Variants in SYNPO2 observed in about 807,000 individuals in gnomAD.
SYNPO2 encodes synaptopodin-2.
In SYNPO2, 56 loss-of-function variants were observed where a neutral mutation model predicts 85.0. The ratio of observed to expected loss-of-function variants is 0.66; its 90% CI spans 0.53 to 0.82. The LOEUF is 0.82. Ranked by LOEUF, SYNPO2 falls within the 40% of genes least tolerant of loss-of-function variation. The pLI is 0.00. For missense variants in SYNPO2, 1,575 were observed against 1,534.2 expected (o/e 1.03, Z -0.44); for synonymous variants, 602 against 591.1 (o/e 1.02, Z -0.27).
intron 1 of SYNPO2, among the ~76,000 whole-genome samples, chr4:119,013,537 A>G (rs1006354474): frequency 6.6e-6 from 1 of 152,242 alleles, no homozygotes; most frequent in Non-Finnish European, 1.5e-5. Flanking sequence ...TTCAGCAGTT[A>G]TTTTCTAGAA....
chr4:119,020,832 T>G (rs1737694140), intron 1 of SYNPO2, among the ~76,000 whole-genome samples: 1 of 152,156 alleles, frequency 6.6e-6, no homozygotes, highest in African/African-American at 2.4e-5. Context: ...CTTTACTTAT[T>G]AAAAAATTTC....
rs193281327 is a variant in SYNPO2 at position 118,978,491 on chromosome 4, C to G, written c.106-44939C>G. On this transcript the variant is annotated intron_variant, in intron 1 of 4. Transcript: ENST00000307142. ...TGACAAACCATTTGCAGGGAAACTT[C>G]GGCTATACCTTATCCTCGTCACCAG... Among the ~76,000 whole-genome samples, 379 of 152,200 alleles carry G rather than the reference C, an allele frequency of 2.5e-3. 1 individual carries two copies. The highest frequency in any genetic ancestry group is 8.7e-3 in the African/African-American group (362 of 41,532).
At position 119,031,486 on chromosome 4, in the gene SYNPO2, C is replaced by T; in HGVS notation, c.2711C>T (p.Thr904Ile). 1.2e-6 allele frequency: 2 copies of T among 1,614,184 alleles called. No homozygotes were observed. The highest frequency in any genetic ancestry group is 1.7e-6 in the Non-Finnish European group (2 of 1,180,042). Residue 904 changes from threonine to isoleucine, a missense_variant, in exon 4 of 5, where the codon ACT becomes ATT. Physicochemically the swap from Thr to Ile is moderately conservative, Grantham distance 89. This residue lies in a region of SYNPO2 where 1,508 missense variants were observed against 1,446.8 expected (regional missense o/e 1.04). Transcript: ENST00000307142. ...CACGCTGCTCGAGCTCAGTCTCCCA[C>T]TCCATCTCTCCCGGCCAGTTGGAAG... is the stretch of plus-strand genomic sequence containing the variant. ...QAHAARAQSP[T>I]PSLPASWKYS... is the part of the protein sequence containing the mutation.
At chr4:118,852,134 G>A (rs1402496032) in intron 1 of SYNPO2, among the ~76,000 whole-genome samples, 2 of 152,118 alleles carry the variant, frequency 1.3e-5, no homozygotes, top group South Asian at 2.1e-4. Context: ...TCAATATCAC[G>A]GACCATTAGG....
At chr4:118,935,309 A>G (rs1028183108) in intron 1 of SYNPO2, among the ~76,000 whole-genome samples, 1 of 152,212 alleles carries the variant, frequency 6.6e-6, no homozygotes, top group African/African-American at 2.4e-5. Flanking sequence ...CTTCAAGTAA[A>G]ATATACACAG....
intron 4 of SYNPO2, chr4:119,037,700 A>C (rs1214746743): frequency 2.1e-6 from 2 of 962,486 alleles, no homozygotes; most frequent in Non-Finnish European, 2.5e-6. Flanking sequence ...AATATTTTAC[A>C]TAAGTTTTGA....
chr4:118,914,944 A>G (rs900252307), intron 1 of SYNPO2, among the ~76,000 whole-genome samples: 6 of 151,556 alleles, frequency 4.0e-5, no homozygotes, highest in Admixed American at 2.6e-4. Context: ...TATGTTTTAT[A>G]TACTTCATTT....
At chr4:118,871,338 C>T (rs551148031) in intron 1 of SYNPO2, among the ~76,000 whole-genome samples, 57 of 151,772 alleles carry the variant, frequency 3.8e-4, no homozygotes, top group African/African-American at 1.3e-3. Flanking sequence ...GGAGTGACTC[C>T]ATAGTGCCCA....
intron 1 of SYNPO2, among the ~76,000 whole-genome samples, chr4:118,881,834 T>C (rs111762942): frequency 0.025 from 3,849 of 152,314 alleles, 67 homozygotes; most frequent in African/African-American, 0.04. Context: ...TCAGATGGCT[T>C]TTCATGGAGG....
chr4:119,057,915 G>A lies in SYNPO2; in HGVS notation c.3767G>A (p.Gly1256Glu), dbSNP rs771083560. Residue 1256 changes from glycine (G) to glutamate (E), a missense_variant, in exon 5 of 5, where the codon GGA becomes GAA. Gly to Glu is a moderately conservative substitution (Grantham distance 98). This residue lies in a region of SYNPO2 where 1,508 missense variants were observed against 1,446.8 expected (regional missense o/e 1.04). Transcript: ENST00000307142. Reference protein sequence around the residue: ...ADYNYNPHPRGWRRQT With the variant: ...ADYNYNPHPREWRRQT ...TACAACTACAACCCACACCCAAGGGGATGGAGACGCCAAACATGAAAGTTA... is the reference window on the plus strand; with the variant it reads ...TACAACTACAACCCACACCCAAGGGAATGGAGACGCCAAACATGAAAGTTA... The A allele has an allele frequency of 6.2e-7, 1 of 1,611,218 alleles. No individual in the cohort carries two copies. Among genetic ancestry groups the A allele is most frequent in the South Asian group, 1.1e-5 (1 of 90,612 alleles).
At chr4:118,911,134 T>C (rs988134773) in intron 1 of SYNPO2, among the ~76,000 whole-genome samples, 4 of 152,234 alleles carry the variant, frequency 2.6e-5, no homozygotes, top group Non-Finnish European at 5.9e-5. Flanking sequence ...TGGATTTTCC[T>C]ATTTATTGTC....
chr4:118,966,975 T>C (rs1483269500), intron 1 of SYNPO2, among the ~76,000 whole-genome samples: 2 of 152,196 alleles, frequency 1.3e-5, no homozygotes, highest in Non-Finnish European at 2.9e-5. Context: ...TTCCTCTTTA[T>C]CCAGTTACTT....
At chr4:118,873,080 C>T (rs1731832388) in intron 1 of SYNPO2, among the ~76,000 whole-genome samples, 1 of 152,050 alleles carries the variant, frequency 6.6e-6, no homozygotes, top group Non-Finnish European at 1.5e-5. Flanking sequence ...TTTCTTTCTC[C>T]AGTCATTCCA....
intron 1 of SYNPO2, among the ~76,000 whole-genome samples, chr4:119,007,265 T>TGTATATATATAC (rs1409260554): frequency 2.2e-5 from 2 of 89,268 alleles, no homozygotes; most frequent in African/African-American, 1.1e-4. Context: ...TATATATATA[T>TGTATATATATAC]ATATATATAT....
chr4:118,892,219 G>T (rs918477176), intron 1 of SYNPO2, among the ~76,000 whole-genome samples: 1 of 151,980 alleles, frequency 6.6e-6, no homozygotes, highest in African/African-American at 2.4e-5. Flanking sequence ...TGTCATTGAC[G>T]GTTAAGCTCA....
intron 1 of SYNPO2, among the ~76,000 whole-genome samples, chr4:118,924,535 G>T (rs1251367945): frequency 3.9e-5 from 6 of 152,146 alleles, no homozygotes; most frequent in Admixed American, 3.9e-4. Flanking sequence ...GGTCAGTGTG[G>T]CTGGATGGTC....
rs144417072 is a variant in SYNPO2, at chr4:119,057,667, A to G, written c.3519A>G (p.Pro1173=). Residue 1173 remains proline, a synonymous_variant, in exon 5 of 5, where the codon CCA becomes CCG. Coordinates refer to ENST00000307142, the MANE Select transcript of SYNPO2 (RefSeq NM_133477.3). ...AARRKVLPGP[P]EDWNERLSYI... ...GGAGGAAGGTGCTTCCAGGGCCTCCAGAGGATTGGAATGAAAGACTGTCCT... is the reference window on the plus strand; with the variant it reads ...GGAGGAAGGTGCTTCCAGGGCCTCCGGAGGATTGGAATGAAAGACTGTCCT... 3.7e-6 allele frequency: 6 copies of G among 1,614,074 alleles called. No individual in the cohort carries two copies. The African/African-American group carries it at 8.0e-5, about 22-fold the overall frequency.
At chr4:119,032,929 T>TGTGC in intron 4 of SYNPO2, 1 of 905,322 alleles carries the variant, frequency 1.1e-6, no homozygotes, top group Non-Finnish European at 1.3e-6. Context: ...AAAGGTTGAT[T>TGTGC]CCCACCCTCC....
At chr4:118,970,673 A>C (rs1735506297) in intron 1 of SYNPO2, among the ~76,000 whole-genome samples, 1 of 152,228 alleles carries the variant, frequency 6.6e-6, no homozygotes, top group Non-Finnish European at 1.5e-5. Flanking sequence ...TGGTCTTGCT[A>C]TATCCAATTA....
Sources: gnomAD v4.1 joint callset for allele counts (sites outside exome capture counted in the v4.1 genomes callset) on GRCh38, gnomAD v4.1.1 for gene constraint, gnomAD v4.1.1 regional missense constraint, MANE v1.5 for transcripts, NCBI Gene and HGNC (gene_info 2026-07-23, HGNC 2026-07-21) for gene names.